Variants in B3GALT1 observed in about 807,000 individuals in gnomAD.
B3GALT1 encodes beta-1,3-galactosyltransferase 1.
A neutral mutation model predicts 23.2 loss-of-function variants in B3GALT1; 10 were observed. That is an observed-to-expected ratio of 0.43 (90% CI 0.27 to 0.73). The LOEUF (loss-of-function observed/expected upper bound fraction) is 0.73, where lower values mean the gene tolerates loss of function less well. Ranked by LOEUF, B3GALT1 falls within the 30% of genes least tolerant of loss-of-function variation. B3GALT1 has a pLI of 0.21. For synonymous variants in B3GALT1, 156 were observed against 141.5 expected (o/e 1.10, Z -0.73); for missense variants, 299 against 405.4 (o/e 0.74, Z 2.25).
At position 167,869,136 on chromosome 2, in the gene B3GALT1, A is replaced by G. The variant is rs1487008636; in HGVS notation, c.97A>G (p.Thr33Ala). 2.5e-6 allele frequency: 4 copies of G among 1,614,194 alleles called. No individual in the cohort carries two copies. The highest frequency in any genetic ancestry group is 1.1e-5 in the South Asian group (1 of 91,084). ...LSITRPTSSY[T>A]GSKPFSHLTV... ...TATAACTCGCCCTACTTCTTCTTAC[A>G]CTGGCTCCAAACCATTCAGCCACCT... Residue 33 changes from threonine to alanine, a missense_variant, in exon 5 of 5, where the codon ACT becomes GCT. This residue lies in a region of B3GALT1 where 162 missense variants were observed against 184.1 expected (regional missense o/e 0.88). Transcript: ENST00000392690. The surrounding 1 kb of genome is among the most constrained non-coding windows in gnomAD (Gnocchi z 6.4).
intron 2 of B3GALT1, among the ~76,000 whole-genome samples, chr2:167,532,624 A>T (rs371829961): frequency 1.4e-4 from 21 of 149,476 alleles, no homozygotes; most frequent in Non-Finnish European, 2.1e-4. Context: ...AGAAAAAAAA[A>T]TAACGTTCAT....
chr2:167,488,003 T>G (rs1419010655), intron 1 of B3GALT1, among the ~76,000 whole-genome samples: 1 of 152,146 alleles, frequency 6.6e-6, no homozygotes, highest in African/African-American at 2.4e-5. Context: ...CAGCTGTATA[T>G]GTAAAATGCC....
At chr2:167,660,938 A>G (rs760522587) in intron 3 of B3GALT1, among the ~76,000 whole-genome samples, 3 of 152,116 alleles carry the variant, frequency 2.0e-5, no homozygotes, top group African/African-American at 4.8e-5. Flanking sequence ...CACATTTACA[A>G]ATTTGATAAA....
At position 167,534,129 on chromosome 2, in the gene B3GALT1, T is replaced by C. The variant is rs139913045; in HGVS notation, c.-410+43852T>C. ...ATGGTGTATTTCTTTTTATTAATCT[T>C]GTTCAAAGCTTATTTCTGAAGATAC... is the stretch of plus-strand genomic sequence containing the variant. On this transcript the variant is annotated intron_variant, in intron 2 of 4. Transcript: ENST00000392690. 7.7e-4 allele frequency among the ~76,000 whole-genome samples: 117 copies of C among 152,298 alleles called. 1 individual carries two copies. The South Asian group carries it at 8.5e-3, about 11-fold the overall frequency.
chr2:167,565,710 C>T (rs1684148494), intron 2 of B3GALT1, among the ~76,000 whole-genome samples: 1 of 152,186 alleles, frequency 6.6e-6, no homozygotes, highest in Admixed American at 6.5e-5. Flanking sequence ...AGACACTTCT[C>T]ACAAGAAGAC....
rs1028865108 is a variant in B3GALT1, at chr2:167,424,862, C to T, written c.-510-65315C>T. On this transcript the variant is annotated intron_variant, in intron 1 of 4. Coordinates refer to ENST00000392690, the MANE Select transcript of B3GALT1 (RefSeq NM_020981.4). ...CAGACAATGAAATTTGAAAGTATCCCGTTTAGATTCTGTGCCTTGGGGCGA... is the reference window on the plus strand; with the variant it reads ...CAGACAATGAAATTTGAAAGTATCCTGTTTAGATTCTGTGCCTTGGGGCGA... Among the ~76,000 whole-genome samples, 3 of 152,272 alleles carry T rather than the reference C, an allele frequency of 2.0e-5. No homozygotes were observed. The East Asian group carries it at 5.8e-4, about 29-fold the overall frequency.
intron 2 of B3GALT1, among the ~76,000 whole-genome samples, chr2:167,547,495 G>T (rs1683658896): frequency 6.6e-6 from 1 of 152,048 alleles, no homozygotes; most frequent in Admixed American, 6.5e-5. Context: ...AGGAGTTCAA[G>T]ACCAGCCTGG....
chr2:167,840,441 G>T (rs62195012), intron 4 of B3GALT1, among the ~76,000 whole-genome samples: 3 of 151,802 alleles, frequency 2.0e-5, no homozygotes, highest in Non-Finnish European at 4.4e-5. Flanking sequence ...ACCATCACTG[G>T]CCATCAGAGA....
intron 1 of B3GALT1, among the ~76,000 whole-genome samples, chr2:167,366,705 G>T (rs1659848969): frequency 1.3e-5 from 2 of 152,202 alleles, no homozygotes; most frequent in Non-Finnish European, 1.5e-5. Flanking sequence ...GCTTCGTGGA[G>T]TGTTTCAGCT....
intron 3 of B3GALT1, among the ~76,000 whole-genome samples, chr2:167,758,319 A>C (rs1188808261): frequency 6.6e-6 from 1 of 152,182 alleles, no homozygotes; most frequent in Non-Finnish European, 1.5e-5. Flanking sequence ...TCCTATAGAC[A>C]GGGATGGTGT....
At chr2:167,687,837 A>G (rs182812853) in intron 3 of B3GALT1, among the ~76,000 whole-genome samples, 45 of 152,272 alleles carry the variant, frequency 3.0e-4, no homozygotes, top group African/African-American at 9.9e-4. Flanking sequence ...AAACAAATAT[A>G]CAAACTAGTC....
intron 2 of B3GALT1, among the ~76,000 whole-genome samples, chr2:167,505,810 A>G (rs1339112131): frequency 6.6e-6 from 1 of 152,178 alleles, no homozygotes; most frequent in African/African-American, 2.4e-5. Context: ...CTGTAATCCC[A>G]GCACTTTGGG....
At chr2:167,578,593 T>C (rs1684425342) in intron 2 of B3GALT1, among the ~76,000 whole-genome samples, 1 of 151,834 alleles carries the variant, frequency 6.6e-6, no homozygotes. Context: ...GCTTCTGTAA[T>C]AAGTGTATTT....
At chr2:167,573,976 A>C (rs914047652) in intron 2 of B3GALT1, among the ~76,000 whole-genome samples, 2 of 151,720 alleles carry the variant, frequency 1.3e-5, no homozygotes, top group African/African-American at 4.8e-5. Flanking sequence ...ATGTAAGAGT[A>C]ACAATATGGG....
Position 167,631,236 on chromosome 2 carries a change from T to C in B3GALT1, c.-409-15673T>C, listed in dbSNP as rs527496122. Reference sequence around the variant, plus strand: ...ACAGGGCATCATGTTCTGAAACCAATGATTCTGTGCAGAGTGCCTGCTGAA... The same window carrying C: ...ACAGGGCATCATGTTCTGAAACCAACGATTCTGTGCAGAGTGCCTGCTGAA... On this transcript the variant is annotated intron_variant, in intron 2 of 4. Coordinates refer to ENST00000392690, the MANE Select transcript of B3GALT1 (RefSeq NM_020981.4). Among the ~76,000 whole-genome samples the C allele has an allele frequency of 6.6e-5, 10 of 151,982 alleles. No individual in the cohort carries two copies. The South Asian group carries it at 1.9e-3, about 28-fold the overall frequency.
chr2:167,503,746 T>C (rs1197141646), intron 2 of B3GALT1, among the ~76,000 whole-genome samples: 1 of 152,186 alleles, frequency 6.6e-6, no homozygotes, highest in African/African-American at 2.4e-5. Context: ...AATTGCAATT[T>C]TAAAAATCAC....
intron 3 of B3GALT1, among the ~76,000 whole-genome samples, chr2:167,729,530 C>T (rs1360753311): frequency 1.3e-5 from 2 of 152,148 alleles, no homozygotes; most frequent in African/African-American, 4.8e-5. Context: ...CACACCTCAC[C>T]AGGGCCTGCA....
chr2:167,628,827 A>AAT (rs1446419723), intron 2 of B3GALT1, among the ~76,000 whole-genome samples: 2 of 151,694 alleles, frequency 1.3e-5, no homozygotes, highest in Non-Finnish European at 3.0e-5. Flanking sequence ...TTTTGCTAAA[A>AAT]ATATATATAT....
intron 4 of B3GALT1, among the ~76,000 whole-genome samples, chr2:167,840,583 G>C (rs1429245621): frequency 6.8e-6 from 1 of 147,972 alleles, no homozygotes; most frequent in Non-Finnish European, 1.5e-5. Context: ...TGGTGGGACT[G>C]TAAACTAGTT....
Sources: allele counts gnomAD v4.1 joint callset (sites outside exome capture counted in the v4.1 genomes callset), GRCh38; gene constraint gnomAD v4.1.1; regional missense constraint gnomAD v4.1.1; non-coding constraint Gnocchi (gnomAD v3.1); transcripts MANE v1.5; gene names NCBI Gene and HGNC (gene_info 2026-07-23, HGNC 2026-07-21).